The following PCDH7 variants were observed in gnomAD, a reference collection of about 807,000 sequenced individuals.
The protein encoded by PCDH7 is protocadherin 7, also known as protocadherin-7.
PCDH7 carries 17 observed loss-of-function variants against 58.9 expected under a neutral mutation model. The ratio of observed to expected loss-of-function variants is 0.29; its 90% confidence interval spans 0.20 to 0.43. The LOEUF is 0.43. Ranked by LOEUF, PCDH7 falls within the 20% of genes least tolerant of loss-of-function variation. The pLI is 1.00. For synonymous variants in PCDH7, 664 were observed against 616.4 expected (o/e 1.08, Z -1.14); for missense variants, 1,274 against 1,441.0 (o/e 0.88, Z 1.88).
At chr4:31,002,806 T>G (rs957993414) in intron 3 of PCDH7, among the ~76,000 whole-genome samples, 3 of 152,214 alleles carry the variant, frequency 2.0e-5, no homozygotes, top group Non-Finnish European at 4.4e-5. Flanking sequence ...CCCCAAATAT[T>G]TTGACATGTG....
intron 2 of PCDH7, among the ~76,000 whole-genome samples, chr4:30,948,806 T>C (rs1207252155): frequency 6.6e-6 from 1 of 152,054 alleles, no homozygotes; most frequent in Non-Finnish European, 1.5e-5. Context: ...AAGCCTTAGG[T>C]GGGTCATGTT....
chr4:30,876,581 GTT>G (rs1222915567), intron 1 of PCDH7, among the ~76,000 whole-genome samples: 2 of 151,928 alleles, frequency 1.3e-5, no homozygotes, highest in African/African-American at 4.8e-5. Flanking sequence ...TTTATGGTGT[GTT>G]TATTAAGACT....
intron 1 of PCDH7, among the ~76,000 whole-genome samples, chr4:30,773,485 T>A (rs142686171): frequency 4.1e-4 from 63 of 152,218 alleles, no homozygotes; most frequent in Admixed American, 6.5e-4. Context: ...ATAAACCTTC[T>A]ATTTTTTTTT....
At chr4:30,905,947 G>C (rs1007347860) in intron 1 of PCDH7, among the ~76,000 whole-genome samples, 4 of 152,188 alleles carry the variant, frequency 2.6e-5, no homozygotes, top group South Asian at 2.1e-4. Flanking sequence ...TCACAGAAGA[G>C]ATGGTTTCAG....
chr4:30,814,328 AT>A (rs1560397657), intron 1 of PCDH7, among the ~76,000 whole-genome samples: 2 of 152,008 alleles, frequency 1.3e-5, no homozygotes, highest in East Asian at 3.9e-4. Flanking sequence ...ATGCCTTGCA[AT>A]TTTTTCTGCA....
chr4:31,066,386 AAG>A (rs1460685271), intron 3 of PCDH7, among the ~76,000 whole-genome samples: 2 of 151,924 alleles, frequency 1.3e-5, no homozygotes, highest in Non-Finnish European at 2.9e-5. Flanking sequence ...CCTTCAAAAA[AAG>A]ACTTAGATCT....
rs150720125 is a variant in PCDH7, at chr4:30,846,042, T to C, written c.71-74111T>C. ...AATGGTAGTCTAATGGTAATAATGG[T>C]AGTCTAATGAGCAGCTACACTATTT... On this transcript the variant is annotated intron_variant, in intron 1 of 3. Coordinates refer to the PCDH7 transcript ENST00000509759. 1.4e-4 allele frequency among the ~76,000 whole-genome samples: 21 copies of C among 152,270 alleles called. 1 individual carries two copies. The highest frequency in any genetic ancestry group is 5.1e-4 in the African/African-American group (21 of 41,568).
At chr4:30,961,416 G>A (rs550230642) in intron 3 of PCDH7, among the ~76,000 whole-genome samples, 3 of 151,864 alleles carry the variant, frequency 2.0e-5, no homozygotes, top group South Asian at 2.1e-4. Flanking sequence ...GCCAGGTGTG[G>A]TAGCGGGTGC....
At chr4:30,818,760 A>C (rs998373808) in intron 1 of PCDH7, among the ~76,000 whole-genome samples, 17 of 152,260 alleles carry the variant, frequency 1.1e-4, no homozygotes, top group Middle Eastern at 3.4e-3. Context: ...ATAAATAAGC[A>C]TGACAATACC....
intron 1 of PCDH7, among the ~76,000 whole-genome samples, chr4:30,891,925 A>T (rs1052330360): frequency 6.6e-6 from 1 of 151,978 alleles, no homozygotes; most frequent in African/African-American, 2.4e-5. Context: ...GTTTGCAAGA[A>T]TTTTTGTGAA....
At chr4:31,084,264 G>A (rs1265667620) in intron 3 of PCDH7, among the ~76,000 whole-genome samples, 2 of 152,010 alleles carry the variant, frequency 1.3e-5, no homozygotes, top group South Asian at 2.1e-4. Flanking sequence ...ATGAATATAC[G>A]GACAGATTGC....
intron 1 of PCDH7, among the ~76,000 whole-genome samples, chr4:30,889,598 A>G (rs1331876574): frequency 1.3e-5 from 2 of 152,176 alleles, no homozygotes; most frequent in Non-Finnish European, 2.9e-5. Flanking sequence ...TGGTTTATAA[A>G]CCCATCAGAG....
intron 1 of PCDH7, among the ~76,000 whole-genome samples, chr4:30,893,452 A>G (rs1374860356): frequency 1.3e-5 from 2 of 152,114 alleles, no homozygotes; most frequent in African/African-American, 2.4e-5. Flanking sequence ...ATCAGTATTC[A>G]ATATACTGCT....
intron 3 of PCDH7, among the ~76,000 whole-genome samples, chr4:31,090,616 A>G (rs1273626170): frequency 6.6e-6 from 1 of 152,106 alleles, no homozygotes; most frequent in African/African-American, 2.4e-5. Context: ...TTCAATCACA[A>G]AGAATATTTG....
At chr4:30,757,015 G>A (rs770895178) in intron 1 of PCDH7, among the ~76,000 whole-genome samples, 4 of 152,176 alleles carry the variant, frequency 2.6e-5, no homozygotes, top group East Asian at 1.9e-4. Context: ...TATCCAGGGG[G>A]TACTTCTACC....
In PCDH7 at chr4:30,722,331, C is replaced by T. The variant is rs1214826695; in HGVS notation, c.909C>T (p.Asp303=). The T allele has an allele frequency of 1.9e-6, 3 of 1,611,126 alleles. No homozygotes were observed. Among genetic ancestry groups the T allele is most frequent in the Non-Finnish European group, 2.5e-6 (3 of 1,179,372 alleles). The stretch of plus-strand genomic sequence containing the variant: ...GGGTCCTCATCACCGACGTGAACGA[C>T]AACAGCCCCCGCTTCGAGAAGAGCG... Residue 303 remains aspartate, a synonymous_variant, in exon 1 of 2, where the codon GAC becomes GAT. Transcript: ENST00000361762. The surrounding 1 kb of genome is among the most constrained non-coding windows in gnomAD (Gnocchi z 7.6).
intron 3 of PCDH7, among the ~76,000 whole-genome samples, chr4:31,026,292 C>T (rs570072246): frequency 1.3e-5 from 2 of 152,176 alleles, no homozygotes; most frequent in Non-Finnish European, 1.5e-5. Flanking sequence ...TTCTGTGCCA[C>T]AAGTTGTACC....
chr4:31,140,505 A>G (rs1193888088), intron 3 of PCDH7, among the ~76,000 whole-genome samples: 1 of 151,242 alleles, frequency 6.6e-6, no homozygotes, highest in Non-Finnish European at 1.5e-5. Flanking sequence ...TTGTTGAAGC[A>G]GTGAAAAAAA....
At chr4:30,880,156 G>A (rs887563575) in intron 1 of PCDH7, among the ~76,000 whole-genome samples, 1 of 151,976 alleles carries the variant, frequency 6.6e-6, no homozygotes, top group Non-Finnish European at 1.5e-5. Flanking sequence ...AACAGTTGAA[G>A]AGAGCCAAGA....
Sources: gnomAD v4.1 joint callset for allele counts (sites outside exome capture counted in the v4.1 genomes callset) on GRCh38, gnomAD v4.1.1 for gene constraint, Gnocchi (gnomAD v3.1) non-coding constraint, MANE v1.5 for transcripts, NCBI Gene and HGNC (gene_info 2026-07-23, HGNC 2026-07-21) for gene names.